HMGCL: variants seen among roughly 807,000 people sequenced by gnomAD.
HMGCL encodes 3-hydroxy-3-methylglutaryl-CoA lyase.
Under a neutral mutation model 37.3 loss-of-function variants are expected in HMGCL, and 26 were observed. The observed-to-expected ratio is 0.70, with a 90% CI of 0.51 to 0.97. The LOEUF is 0.97. Among genes scored for constraint, HMGCL ranks in the 50% least tolerant of loss-of-function variants. The probability of loss-of-function intolerance (pLI) is 0.00; values close to 1 mark genes in which losing one functional copy is unlikely to be tolerated. For synonymous variants in HMGCL, 151 were observed against 148.0 expected (o/e 1.02, Z -0.15); for missense variants, 379 against 398.1 (o/e 0.95, Z 0.41).
At chr1:23,816,396 T>C in intron 4 of HMGCL, 1 of 485,808 alleles carries the variant, frequency 2.1e-6, no homozygotes, top group Non-Finnish European at 3.8e-6. Flanking sequence ...ATTAAGCAGT[T>C]ACCTTTTATC....
chr1:23,802,436 C>T lies in HMGCL; in HGVS notation c.*27G>A. 2 of 1,374,326 alleles carry T rather than the reference C, an allele frequency of 1.5e-6. No individual in the cohort carries two copies. The highest frequency in any genetic ancestry group is 2.1e-6 in the Non-Finnish European group (2 of 961,428). 85.1% of individuals were successfully genotyped at this position (1,374,326 alleles called of 1,614,324 possible). On this transcript the variant is annotated 3_prime_UTR_variant, in exon 9 of 9. Transcript: ENST00000374490. ...GTGTGTGCCCCTATTTCCACATCAT[C>T]CCCAGGGCTTCAGGTGGGCAAGGGG... is the stretch of plus-strand genomic sequence containing the variant.
In HMGCL at chr1:23,810,874, A is replaced by C. The variant is rs146966795; in HGVS notation, c.498-75T>G. On this transcript the variant is annotated intron_variant, in intron 5 of 8. Coordinates refer to ENST00000374490, the MANE Select transcript of HMGCL (RefSeq NM_000191.3). Reference sequence around the variant, plus strand: ...TAGCAGAACTGAGGCAGGGCTGTTTAACACACATTTCTGATCAGTGTGCAA... The same window carrying C: ...TAGCAGAACTGAGGCAGGGCTGTTTCACACACATTTCTGATCAGTGTGCAA... 2,302 of 1,185,534 alleles carry C rather than the reference A, an allele frequency of 1.9e-3. 35 individuals are homozygous for C. In the Admixed American group the frequency reaches 0.022, roughly 11 times the overall value. 73.4% of individuals were successfully genotyped at this position (1,185,534 alleles called of 1,614,324 possible). A position where few individuals can be genotyped will look rare whatever the true frequency, so the allele number is the denominator to read the frequency against.
chr1:23,803,421 C>T (rs1638329980), intron 8 of HMGCL, among the ~76,000 whole-genome samples: 1 of 152,212 alleles, frequency 6.6e-6, no homozygotes, highest in Non-Finnish European at 1.5e-5. Flanking sequence ...AAGCTGGTCT[C>T]GAACTCCTGA....
rs528247589 is a variant in HMGCL at position 23,810,559 on chromosome 1, G to C, written c.561+177C>G. The C allele has an allele frequency of 9.5e-5, 61 of 641,926 alleles. 1 individual carries two copies. The South Asian group carries it at 9.9e-4, about 10-fold the overall frequency. 39.8% of individuals were successfully genotyped at this position (641,926 alleles called of 1,614,324 possible). A position where few individuals can be genotyped will look rare whatever the true frequency, so the allele number is the denominator to read the frequency against. On this transcript the variant is annotated intron_variant, in intron 6 of 8. Coordinates refer to ENST00000374490, the MANE Select transcript of HMGCL (RefSeq NM_000191.3). ...AAGGACTACATGTTCGGCTAGGAGGGGGGCCTCTAGGGAGCAAGTGCAGGG... is the reference window on the plus strand; with the variant it reads ...AAGGACTACATGTTCGGCTAGGAGGCGGGCCTCTAGGGAGCAAGTGCAGGG...
rs778868742 is a variant in HMGCL at position 23,808,121 on chromosome 1, A to G, written c.750+14T>C. The stretch of plus-strand genomic sequence containing the variant: ...CCGTGACCTTTGGGAGAATGGGCAT[A>G]TGCTTTTGATTACCTGCAGGGCCAT... On this transcript the variant is annotated intron_variant, in intron 7 of 8. Coordinates refer to ENST00000374490, the MANE Select transcript of HMGCL (RefSeq NM_000191.3). The G allele has an allele frequency of 6.8e-6, 11 of 1,612,286 alleles. No homozygotes were observed. In the African/African-American group the frequency reaches 1.2e-4, roughly 18 times the overall value.
At chr1:23,810,964 T>A (rs1160450140) in intron 5 of HMGCL, among the ~76,000 whole-genome samples, 165 bp from the exon 6 acceptor site, 1 of 151,820 alleles carries the variant, frequency 6.6e-6, no homozygotes, top group East Asian at 1.9e-4. Flanking sequence ...GAGGAGGCAG[T>A]AGAGAGCAAT....
Position 23,816,394 on chromosome 1 carries a change from G to A in HMGCL, c.348+281C>T, listed in dbSNP as rs937506078. ...CAAAAGAGCTAACATTTATTAAGCA[G>A]TTACCTTTTATCTGGCTCTTGCTAA... On this transcript the variant is annotated intron_variant, in intron 4 of 8. Transcript: ENST00000374490. 6.2e-6 allele frequency: 3 copies of A among 481,746 alleles called. No homozygotes were observed. In the South Asian group the frequency reaches 6.4e-5, roughly 10 times the overall value. The allele number at this position is 481,746 out of a possible 1,614,324, so 29.8% of individuals were successfully genotyped here.
chr1:23,814,438 T>C (rs1025893916), intron 4 of HMGCL, 100 bp from the exon 5 acceptor site: 5 of 1,347,456 alleles, frequency 3.7e-6, no homozygotes, highest in Non-Finnish European at 5.2e-6. Context: ...TGGCATGATC[T>C]CGGCTCACTG....
intron 1 of HMGCL, 137 bp from the exon 2 acceptor site, chr1:23,820,730 T>C: frequency 1.4e-6 from 1 of 718,650 alleles, no homozygotes; most frequent in Middle Eastern, 2.4e-4. Flanking sequence ...AATTCACATT[T>C]GGTCTATTTT....
At chr1:23,814,415 G>C (rs896848587) in intron 4 of HMGCL, 77 bp from the exon 5 acceptor site, 16 of 1,539,774 alleles carry the variant, frequency 1.0e-5, no homozygotes, top group Non-Finnish European at 1.4e-5. Context: ...TTGTTGCCCA[G>C]GCTGGAGTGC....
At chr1:23,817,371 G>A (rs1314432459) in intron 3 of HMGCL, 105 bp downstream of exon 3, 1 of 729,378 alleles carries the variant, frequency 1.4e-6, no homozygotes. Context: ...ACCTCTCAAA[G>A]CCAGGGGCTT....
intron 8 of HMGCL, among the ~76,000 whole-genome samples, chr1:23,802,835 A>G (rs562268921): frequency 6.6e-6 from 1 of 152,076 alleles, no homozygotes; most frequent in African/African-American, 2.4e-5. Context: ...CTTGTTCAGT[A>G]CTCCCTCTTC....
intron 7 of HMGCL, among the ~76,000 whole-genome samples, chr1:23,804,845 GA>G (rs2148417223): frequency 1.3e-5 from 2 of 148,824 alleles, no homozygotes; most frequent in African/African-American, 5.0e-5. Context: ...TGAGATTTCA[GA>G]CCCCTGTTGT....
At chr1:23,814,115 AG>A in intron 5 of HMGCL, 74 bp downstream of exon 5, 1 of 1,525,208 alleles carries the variant, frequency 6.6e-7, no homozygotes, top group South Asian at 1.1e-5. Flanking sequence ...TTGTGGCAGG[AG>A]GACCACTTGA....
chr1:23,804,603 A>C, intron 7 of HMGCL, 78 bp from the exon 8 acceptor site: 9 of 1,486,998 alleles, frequency 6.1e-6, no homozygotes, highest in Non-Finnish European at 8.4e-6. Flanking sequence ...AAACCTCCCA[A>C]TCGTCTGTTG....
intron 5 of HMGCL, among the ~76,000 whole-genome samples, chr1:23,812,117 G>A (rs1160476247): frequency 2.0e-5 from 3 of 152,212 alleles, no homozygotes; most frequent in Non-Finnish European, 4.4e-5. Context: ...GAGCACCCCA[G>A]GGACTGGGAG....
intron 6 of HMGCL, among the ~76,000 whole-genome samples, chr1:23,808,742 C>CTTTTTTTTT (rs56215335): frequency 9.6e-6 from 1 of 104,272 alleles, no homozygotes; most frequent in East Asian, 2.6e-4. Flanking sequence ...TATTTTTTTT[C>CTTTTTTTTT]TTTTTTTTTT....
intron 1 of HMGCL, among the ~76,000 whole-genome samples, chr1:23,820,812 T>C (rs1465880653): frequency 6.6e-6 from 1 of 152,208 alleles, no homozygotes; most frequent in Non-Finnish European, 1.5e-5. Context: ...CCAGTACCGG[T>C]TCTCCCCTGA....
chr1:23,811,156 G>C (rs938067457), intron 5 of HMGCL, among the ~76,000 whole-genome samples: 3 of 152,204 alleles, frequency 2.0e-5, no homozygotes, highest in African/African-American at 7.2e-5. Flanking sequence ...GCTGGGGCCA[G>C]TACTCCAAAA....
Sources: allele counts gnomAD v4.1 joint callset (sites outside exome capture counted in the v4.1 genomes callset), GRCh38; gene constraint gnomAD v4.1.1; transcripts MANE v1.5; gene names NCBI Gene and HGNC (gene_info 2026-07-23, HGNC 2026-07-21).